The following SNRPD3 variants were observed in gnomAD, a reference collection of about 807,000 sequenced individuals.
SNRPD3 encodes small nuclear ribonucleoprotein D3 polypeptide, also known as small nuclear ribonucleoprotein Sm D3.
For synonymous variants in SNRPD3, 66 were observed against 58.4 expected (o/e 1.13, Z -0.59); for missense variants, 73 against 167.5 (o/e 0.44, Z 3.11).
chr22:24,557,692 G>A lies in SNRPD3; in HGVS notation c.18G>A (p.Pro6=), dbSNP rs767178265. The stretch of plus-strand genomic sequence containing the variant: ...CTGCCAAGATGTCTATTGGTGTGCC[G>A]ATTAAAGTACTGCATGAGGCCGAGG... MSIGV[P]IKVLHEAEGH... is the part of the protein sequence containing the mutation. The change falls in exon 2 of 4, where the codon CCG becomes CCA. Residue 6 remains proline (P), a synonymous_variant. Transcript: ENST00000215829. 27 of 1,612,230 alleles carry A rather than the reference G, an allele frequency of 1.7e-5. No individual in the cohort carries two copies. The highest frequency in any genetic ancestry group is 2.7e-5 in the African/African-American group (2 of 74,846).
At chr22:24,569,122 C>T (rs778397542) in intron 3 of SNRPD3, among the ~76,000 whole-genome samples, 31 of 152,290 alleles carry the variant, frequency 2.0e-4, no homozygotes, top group Admixed American at 3.3e-4. Context: ...GTGAGGGCAG[C>T]ATTTCCTAGC....
Position 24,573,437 on chromosome 22 carries a change from GA to G in SNRPD3, c.*1467del, listed in dbSNP as rs904821215. ...TTATTCAAGTAATGAAAGAGGAGGG[GA>G]AAAAAATCCAGCACATTAGTTAACC... On this transcript the variant is annotated 3_prime_UTR_variant, in exon 4 of 4. Transcript: ENST00000215829. Among the ~76,000 whole-genome samples the G allele has an allele frequency of 3.3e-5, 5 of 151,998 alleles. No individual in the cohort carries two copies. Among genetic ancestry groups the G allele is most frequent in the African/African-American group, 7.2e-5 (3 of 41,406 alleles).
At chr22:24,565,328 G>C (rs1253285237) in intron 2 of SNRPD3, among the ~76,000 whole-genome samples, 1 of 152,066 alleles carries the variant, frequency 6.6e-6, no homozygotes, top group African/African-American at 2.4e-5. Context: ...GGGTTTCTGG[G>C]GACAGATCTG....
At chr22:24,570,057 A>C (rs912821419) in intron 3 of SNRPD3, among the ~76,000 whole-genome samples, 2 of 152,266 alleles carry the variant, frequency 1.3e-5, no homozygotes, top group Non-Finnish European at 2.9e-5. Context: ...AAATGCCATT[A>C]GACAAAATGG....
At chr22:24,567,909 C>A in intron 2 of SNRPD3, 75 bp from the exon 3 acceptor site, 1 of 1,178,024 alleles carries the variant, frequency 8.5e-7, no homozygotes, top group Admixed American at 2.2e-5. Flanking sequence ...TGGACTTCCC[C>A]CTCCCACCAG....
At position 24,573,208 on chromosome 22, in the gene SNRPD3, G is replaced by C. The variant is rs2045264258; in HGVS notation, c.*1231G>C. ...AAAAGAGCAAGACTTTGTCTTTAAA[G>C]AAAAATAAGTAGTAGTAAAGAGTAT... On this transcript the variant is annotated 3_prime_UTR_variant, in exon 4 of 4. Coordinates refer to ENST00000215829, the MANE Select transcript of SNRPD3 (RefSeq NM_004175.5). Among the ~76,000 whole-genome samples the C allele has an allele frequency of 6.6e-6, 1 of 151,784 alleles. No homozygotes were observed. Among genetic ancestry groups the C allele is most frequent in the African/African-American group, 2.4e-5 (1 of 41,316 alleles).
intron 3 of SNRPD3, 113 bp from the exon 4 acceptor site, chr22:24,571,803 C>T: frequency 3.0e-6 from 3 of 983,876 alleles, no homozygotes; most frequent in Non-Finnish European, 4.7e-6. Context: ...TGGTGTTGGA[C>T]CAGGTAACCC....
At chr22:24,568,242 T>G in intron 3 of SNRPD3, 66 bp downstream of exon 3, 9 of 1,226,682 alleles carry the variant, frequency 7.3e-6, no homozygotes, top group African/African-American at 1.5e-5. Flanking sequence ...AAAGGGGCCC[T>G]ATTACTGCCT....
chr22:24,557,636 C>A lies in SNRPD3; in HGVS notation c.-18-21C>A, dbSNP rs960286333. The stretch of plus-strand genomic sequence containing the variant: ...TTTCAGACTCTGAAAGATGAACTGA[C>A]TGTTGTCTCTCTCATTGTAGAACTC... On this transcript the variant is annotated intron_variant, in intron 1 of 3. Coordinates refer to ENST00000215829, the MANE Select transcript of SNRPD3 (RefSeq NM_004175.5). The A allele has an allele frequency of 2.5e-6, 4 of 1,592,966 alleles. No homozygotes were observed. The African/African-American group carries it at 5.4e-5, about 21-fold the overall frequency.
chr22:24,562,520 G>A (rs1051737500), intron 2 of SNRPD3, among the ~76,000 whole-genome samples: 1 of 152,178 alleles, frequency 6.6e-6, no homozygotes, highest in African/African-American at 2.4e-5. Flanking sequence ...CTCCAGCCTG[G>A]GCGACAGAGC....
chr22:24,563,077 G>A (rs2045158994), intron 2 of SNRPD3, among the ~76,000 whole-genome samples: 1 of 151,890 alleles, frequency 6.6e-6, no homozygotes. Context: ...ATTTGAAAAT[G>A]CAAAATATGG....
chr22:24,571,486 C>T (rs1049824500), intron 3 of SNRPD3, among the ~76,000 whole-genome samples: 1 of 152,128 alleles, frequency 6.6e-6, no homozygotes, highest in Non-Finnish European at 1.5e-5. Flanking sequence ...TGCTTGTAAT[C>T]CTGACACTTT....
At chr22:24,562,342 C>G (rs758481953) in intron 2 of SNRPD3, among the ~76,000 whole-genome samples, 1 of 151,980 alleles carries the variant, frequency 6.6e-6, no homozygotes, top group African/African-American at 2.4e-5. Flanking sequence ...GAGATTGAGA[C>G]CAGCCTGGCT....
intron 2 of SNRPD3, among the ~76,000 whole-genome samples, chr22:24,561,739 A>C (rs1053984587): frequency 7.2e-5 from 11 of 152,092 alleles, no homozygotes; most frequent in Non-Finnish European, 2.9e-5. Flanking sequence ...TGTGGTGGCT[A>C]CTCCTATAAT....
At chr22:24,560,533 C>T (rs1042234354) in intron 2 of SNRPD3, among the ~76,000 whole-genome samples, 13 of 143,460 alleles carry the variant, frequency 9.1e-5, no homozygotes, top group African/African-American at 3.4e-4. Flanking sequence ...CAACCTCTGC[C>T]TCCTGGGTTC....
chr22:24,559,502 C>T (rs2045112184), intron 2 of SNRPD3, among the ~76,000 whole-genome samples: 1 of 152,176 alleles, frequency 6.6e-6, no homozygotes, highest in South Asian at 2.1e-4. Context: ...GGGCCTTTGT[C>T]ATCCCATCCG....
chr22:24,570,086 A>G (rs921473550), intron 3 of SNRPD3, among the ~76,000 whole-genome samples: 11 of 152,252 alleles, frequency 7.2e-5, no homozygotes, highest in Non-Finnish European at 1.6e-4. Context: ...TAACACTAAT[A>G]GACGGGGTTG....
intron 3 of SNRPD3, among the ~76,000 whole-genome samples, chr22:24,571,027 C>A (rs2045245775): frequency 6.6e-6 from 1 of 152,002 alleles, no homozygotes; most frequent in South Asian, 2.1e-4. Context: ...CCATGTTGGC[C>A]AGTCTGGTCT....
At chr22:24,555,698 G>C, upstream of SNRPD3, 1 of 1,550,652 alleles carries the variant, frequency 6.4e-7, no homozygotes, top group South Asian at 1.2e-5. Flanking sequence ...CGGTCTGAGG[G>C]CCCAAGCCCC....
Sources: allele counts gnomAD v4.1 joint callset (sites outside exome capture counted in the v4.1 genomes callset), GRCh38; gene constraint gnomAD v4.1.1; transcripts MANE v1.5; gene names NCBI Gene and HGNC (gene_info 2026-07-23, HGNC 2026-07-21).